NRXN3: variants seen among roughly 807,000 people sequenced by gnomAD.
NRXN3 encodes the protein neurexin III.
NRXN3 carries 32 observed loss-of-function variants against 137.6 expected under a neutral mutation model. The observed-to-expected ratio is 0.23, with a 90% CI of 0.18 to 0.31. The LOEUF is 0.31. Ranked by LOEUF, NRXN3 falls within the 10% of genes least tolerant of loss-of-function variation. The probability of loss-of-function intolerance (pLI) is 1.00; values close to 1 mark genes in which losing one functional copy is unlikely to be tolerated. For synonymous variants in NRXN3, 798 were observed against 784.5 expected, an observed-to-expected ratio of 1.02 and a Z score of -0.29; for missense variants, 1,574 against 2,062.5, an observed-to-expected ratio of 0.76 and a Z score of 4.59.
At chr14:78,892,579 A>T (rs1439868845) in intron 10 of NRXN3, among the ~76,000 whole-genome samples, 1 of 151,634 alleles carries the variant, frequency 6.6e-6, no homozygotes, top group Non-Finnish European at 1.5e-5. Context: ...CAGTGAATGT[A>T]ATTCAGCACT....
intron 4 of NRXN3, among the ~76,000 whole-genome samples, chr14:78,498,270 A>G (rs190867329): frequency 6.6e-6 from 1 of 152,288 alleles, no homozygotes; most frequent in East Asian, 1.9e-4. Context: ...ACAATTGAGA[A>G]TATCAGAGGG....
intron 19 of NRXN3, among the ~76,000 whole-genome samples, chr14:79,714,777 T>C (rs528532835): frequency 6.6e-6 from 1 of 152,294 alleles, no homozygotes; most frequent in African/African-American, 2.4e-5. Context: ...CCTCACCTGA[T>C]TAGGCATTTT....
intron 4 of NRXN3, among the ~76,000 whole-genome samples, chr14:78,454,011 C>G (rs1457268595): frequency 6.6e-6 from 1 of 152,098 alleles, no homozygotes; most frequent in East Asian, 1.9e-4. Flanking sequence ...ACTTTGTTGC[C>G]CTAAAAAACT....
chr14:79,042,889 G>T (rs1003454964), intron 15 of NRXN3, among the ~76,000 whole-genome samples: 2 of 151,836 alleles, frequency 1.3e-5, no homozygotes, highest in African/African-American at 4.8e-5. Flanking sequence ...TGCAGCAAAA[G>T]GATTTTTTTT....
intron 4 of NRXN3, among the ~76,000 whole-genome samples, chr14:78,299,761 G>C (rs2076702080): frequency 6.6e-6 from 1 of 152,196 alleles, no homozygotes; most frequent in African/African-American, 2.4e-5. Flanking sequence ...CACACACACA[G>C]AGCTTCAGAT....
At chr14:78,456,839 TTCTTTCTTTCTTTCTTTTTC>T (rs1379164023) in intron 4 of NRXN3, among the ~76,000 whole-genome samples, 1 of 131,880 alleles carries the variant, frequency 7.6e-6, no homozygotes, top group African/African-American at 2.6e-5. Flanking sequence ...CTTTCTTTCT[TTCTTTCTTTCTTTCTTTTTC>T]TCTTTCTTTC....
chr14:78,449,294 C>G (rs2094496050), intron 4 of NRXN3, among the ~76,000 whole-genome samples: 1 of 152,198 alleles, frequency 6.6e-6, no homozygotes, highest in East Asian at 1.9e-4. Context: ...CTCACCGTAA[C>G]CTCCGCCTTT....
intron 10 of NRXN3, among the ~76,000 whole-genome samples, chr14:78,912,953 G>A (rs902605887): frequency 2.0e-5 from 3 of 151,848 alleles, no homozygotes; most frequent in Admixed American, 6.6e-5. Flanking sequence ...TTGTTCCTTC[G>A]TTTATTCCTT....
intron 8 of NRXN3, among the ~76,000 whole-genome samples, chr14:78,782,000 T>C (rs991642206): frequency 1.3e-5 from 2 of 152,234 alleles, no homozygotes; most frequent in Non-Finnish European, 2.9e-5. Context: ...AAACCTCTCC[T>C]TAAGCAGTTA....
intron 15 of NRXN3, among the ~76,000 whole-genome samples, chr14:79,193,603 G>A (rs907060527): frequency 6.6e-6 from 1 of 152,038 alleles, no homozygotes; most frequent in East Asian, 1.9e-4. Context: ...CATTGAGAAG[G>A]CCCCTCTCAA....
At chr14:78,917,775 G>A (rs1019463802) in intron 10 of NRXN3, among the ~76,000 whole-genome samples, 1 of 152,032 alleles carries the variant, frequency 6.6e-6, no homozygotes, top group South Asian at 2.1e-4. Context: ...AGGCTCATCC[G>A]CTCTTCAGAA....
intron 16 of NRXN3, among the ~76,000 whole-genome samples, chr14:79,511,943 A>G (rs150395495): frequency 0.027 from 4,123 of 152,306 alleles, 201 homozygotes; most frequent in African/African-American, 0.095. Flanking sequence ...CTTGTTGCCC[A>G]GGCTGGAGTG....
At chr14:79,835,384 G>A (rs2099337556) in intron 20 of NRXN3, among the ~76,000 whole-genome samples, 1 of 152,122 alleles carries the variant, frequency 6.6e-6, no homozygotes, top group Non-Finnish European at 1.5e-5. Context: ...TTGTAAGCCT[G>A]CAGACAGTGT....
chr14:78,452,521 T>G (rs369870617), intron 4 of NRXN3, among the ~76,000 whole-genome samples: 1 of 152,160 alleles, frequency 6.6e-6, no homozygotes. Flanking sequence ...GCTTTTTTCT[T>G]GGTATGAGGA....
intron 4 of NRXN3, among the ~76,000 whole-genome samples, chr14:78,481,097 CAA>C (rs2095466254): frequency 6.6e-6 from 1 of 152,190 alleles, no homozygotes; most frequent in Non-Finnish European, 1.5e-5. Flanking sequence ...AAAACCTACA[CAA>C]GTCTTCTATT....
intron 19 of NRXN3, among the ~76,000 whole-genome samples, chr14:79,776,380 A>G (rs1011305967): frequency 6.6e-6 from 1 of 152,172 alleles, no homozygotes; most frequent in Non-Finnish European, 1.5e-5. Flanking sequence ...CAATGGACCA[A>G]TATGGCTTGT....
chr14:79,514,575 G>GGGT (rs2096964212), intron 16 of NRXN3, among the ~76,000 whole-genome samples: 1 of 150,716 alleles, frequency 6.6e-6, no homozygotes, highest in Non-Finnish European at 1.5e-5. Flanking sequence ...GTGTAGAGAT[G>GGGT]GGTGCATCAT....
intron 20 of NRXN3, among the ~76,000 whole-genome samples, chr14:79,849,665 G>A (rs886432721): frequency 6.6e-6 from 1 of 152,116 alleles, no homozygotes; most frequent in Non-Finnish European, 1.5e-5. Flanking sequence ...TGGGAATTTG[G>A]ATTGGTCCAG....
chr14:79,087,943 T>A (rs1026634885), intron 15 of NRXN3, among the ~76,000 whole-genome samples: 1 of 150,774 alleles, frequency 6.6e-6, no homozygotes, highest in Non-Finnish European at 1.5e-5. Context: ...AAATAACAAC[T>A]AGTTGTTTCT....
Sources: allele counts gnomAD v4.1 joint callset (sites outside exome capture counted in the v4.1 genomes callset), GRCh38; gene constraint gnomAD v4.1.1; transcripts MANE v1.5; gene names NCBI Gene and HGNC (gene_info 2026-07-23, HGNC 2026-07-21).